The following CTNNA2 variants were observed in gnomAD, a reference collection of about 807,000 sequenced individuals.
CTNNA2 encodes the protein catenin alpha-2.
CTNNA2 carries 42 observed loss-of-function variants against 101.0 expected under a neutral mutation model. The ratio of observed to expected loss-of-function variants is 0.42; its 90% CI spans 0.32 to 0.54. CTNNA2 has a LOEUF of 0.54. CTNNA2 is among the 20% of genes least tolerant of loss of function. CTNNA2 has a pLI of 0.14. For missense variants in CTNNA2, 871 were observed against 1,223.1 expected, an observed-to-expected ratio of 0.71 and a Z score of 4.29; for synonymous variants, 450 against 456.4, an observed-to-expected ratio of 0.99 and a Z score of 0.18.
At chr2:80,056,535 T>A (rs1480501175) in intron 7 of CTNNA2, among the ~76,000 whole-genome samples, 1 of 152,180 alleles carries the variant, frequency 6.6e-6, no homozygotes, top group Non-Finnish European at 1.5e-5. Flanking sequence ...AAAGGAAAGA[T>A]AGGGATCAAG....
Position 80,648,089 on chromosome 2 carries a change from C to T in CTNNA2, c.*217C>T. The T allele has an allele frequency of 2.5e-6, 1 of 394,708 alleles. No individual in the cohort carries two copies. Among genetic ancestry groups the T allele is most frequent in the Non-Finnish European group, 4.5e-6 (1 of 221,456 alleles). The allele number at this position is 394,708 out of a possible 1,614,324, so 24.5% of individuals were successfully genotyped here. ...AGGACATTCCTGTACTAAGGTGGCA[C>T]AGAGCTGTCCTTTGCAACATTCTCA... On this transcript the variant is annotated 3_prime_UTR_variant, in exon 19 of 19. Transcript: ENST00000402739.
At chr2:79,749,407 T>G (rs1263469454) in intron 3 of CTNNA2, among the ~76,000 whole-genome samples, 3 of 152,222 alleles carry the variant, frequency 2.0e-5, no homozygotes, top group Non-Finnish European at 4.4e-5. Flanking sequence ...AACTTAGAAC[T>G]CTGATGTTTT....
At chr2:80,281,463 A>G (rs186477723) in intron 7 of CTNNA2, among the ~76,000 whole-genome samples, 112 of 152,270 alleles carry the variant, frequency 7.4e-4, no homozygotes, top group Non-Finnish European at 2.6e-4. Flanking sequence ...GTTATTTTCT[A>G]AAGAGCGTAC....
At chr2:80,162,699 T>C in intron 7 of CTNNA2, 2 of 1,612,836 alleles carry the variant, frequency 1.2e-6, no homozygotes, top group South Asian at 1.1e-5. Context: ...GCTTGAAGAC[T>C]GATTAAAACT....
chr2:80,092,029 A>C (rs1327732856), intron 7 of CTNNA2, among the ~76,000 whole-genome samples: 1 of 152,100 alleles, frequency 6.6e-6, no homozygotes, highest in Non-Finnish European at 1.5e-5. Context: ...TATCTTATTT[A>C]CTTTTGTGTC....
At chr2:79,877,697 C>T (rs1683130799) in intron 6 of CTNNA2, among the ~76,000 whole-genome samples, 1 of 152,144 alleles carries the variant, frequency 6.6e-6, no homozygotes, top group African/African-American at 2.4e-5. Context: ...CTGGCAAAAT[C>T]TCTTACTGAT....
At chr2:79,431,720 A>G (rs1004158100) in intron 4 of CTNNA2, among the ~76,000 whole-genome samples, 1 of 152,190 alleles carries the variant, frequency 6.6e-6, no homozygotes, top group Non-Finnish European at 1.5e-5. Flanking sequence ...TCTCTCACCC[A>G]TAGGCAGAAC....
At position 80,419,683 on chromosome 2, in the gene CTNNA2, A is replaced by T. The variant is rs1191927042; in HGVS notation, c.1290+82A>T. On this transcript the variant is annotated intron_variant, in intron 9 of 18. Coordinates refer to ENST00000402739, the MANE Select transcript of CTNNA2 (RefSeq NM_001282597.3). ...TGGCTCTTAGAATTTCACTAGAGAG[A>T]TATTCTATTGTATTTTTGGAGAAAT... 1.9e-5 allele frequency: 26 copies of T among 1,383,836 alleles called. No individual in the cohort carries two copies. The South Asian group carries it at 3.2e-4, about 17-fold the overall frequency. 85.7% of individuals were successfully genotyped at this position (1,383,836 alleles called of 1,614,324 possible).
At chr2:80,144,022 C>T (rs1346751938) in intron 7 of CTNNA2, among the ~76,000 whole-genome samples, 1 of 152,068 alleles carries the variant, frequency 6.6e-6, no homozygotes, top group Non-Finnish European at 1.5e-5. Flanking sequence ...AGACTAAGTC[C>T]AAAAGGCTTC....
Position 80,085,712 on chromosome 2 carries a change from A to G in CTNNA2, c.1056+175915A>G, listed in dbSNP as rs369239427. Reference sequence around the variant, plus strand: ...TTTTTCAAGTTCTCTGGCTTCCCCTATATTGATGAGTTATGTTGGAGTGAT... The same window carrying G: ...TTTTTCAAGTTCTCTGGCTTCCCCTGTATTGATGAGTTATGTTGGAGTGAT... On this transcript the variant is annotated intron_variant, in intron 7 of 18. Coordinates refer to ENST00000402739, the MANE Select transcript of CTNNA2 (RefSeq NM_001282597.3). Among the ~76,000 whole-genome samples the G allele has an allele frequency of 2.6e-5, 4 of 152,068 alleles. No individual in the cohort carries two copies. The South Asian group carries it at 8.3e-4, about 32-fold the overall frequency.
chr2:80,458,860 G>A lies in CTNNA2; in HGVS notation c.1290+39259G>A, dbSNP rs1022845535. 7.9e-5 allele frequency among the ~76,000 whole-genome samples: 12 copies of A among 152,104 alleles called. No individual in the cohort carries two copies. In the South Asian group the frequency reaches 1.0e-3, roughly 13 times the overall value. ...TACCTCCCAACAACTTTGATGTATA[G>A]TCATGGGCTACATAAGGACATTTCA... On this transcript the variant is annotated intron_variant, in intron 9 of 18. Transcript: ENST00000402739.
intron 18 of CTNNA2, among the ~76,000 whole-genome samples, chr2:80,632,429 C>G (rs1672397660): frequency 6.6e-6 from 1 of 152,074 alleles, no homozygotes; most frequent in Non-Finnish European, 1.5e-5. Flanking sequence ...GAATGGTCTA[C>G]CTTCAGTTTT....
At chr2:79,833,153 A>T (rs1266915780) in intron 3 of CTNNA2, among the ~76,000 whole-genome samples, 1 of 152,202 alleles carries the variant, frequency 6.6e-6, no homozygotes, top group Non-Finnish European at 1.5e-5. Context: ...CAATATTCCA[A>T]TTCGTTGGGG....
In CTNNA2 at chr2:79,582,206, A is replaced by G. The variant is rs528792623; in HGVS notation, c.-6+68999A>G. On this transcript the variant is annotated intron_variant, in intron 1 of 18. Coordinates refer to ENST00000402739, the MANE Select transcript of CTNNA2 (RefSeq NM_001282597.3). ...GTACTTAACTTTCTATCATTGTCATAAGAATTAAATATGTTAACATGTAAA... is the reference window on the plus strand; with the variant it reads ...GTACTTAACTTTCTATCATTGTCATGAGAATTAAATATGTTAACATGTAAA... Among the ~76,000 whole-genome samples, 716 of 152,364 alleles carry G rather than the reference A, an allele frequency of 4.7e-3. 4 individuals carry two copies. The highest frequency in any genetic ancestry group is 0.016 in the African/African-American group (682 of 41,590).
At chr2:79,838,711 A>G (rs1679571186) in intron 3 of CTNNA2, among the ~76,000 whole-genome samples, 1 of 152,108 alleles carries the variant, frequency 6.6e-6, no homozygotes, top group South Asian at 2.1e-4. Flanking sequence ...TTATATTAAA[A>G]GTGTTGATTA....
chr2:80,468,248 CA>C (rs1292745786), intron 9 of CTNNA2, among the ~76,000 whole-genome samples: 2 of 152,084 alleles, frequency 1.3e-5, no homozygotes, highest in African/African-American at 4.8e-5. Flanking sequence ...ATTTAATACC[CA>C]CACAGTGCTA....
At chr2:80,126,489 C>T (rs1284139117) in intron 7 of CTNNA2, among the ~76,000 whole-genome samples, 1 of 151,732 alleles carries the variant, frequency 6.6e-6, no homozygotes, top group Non-Finnish European at 1.5e-5. Context: ...CTGTCTTGAT[C>T]CCTCTCCCCT....
At chr2:79,865,663 G>GTAGA (rs1399605531) in intron 4 of CTNNA2, among the ~76,000 whole-genome samples, 3 of 152,202 alleles carry the variant, frequency 2.0e-5, no homozygotes, top group African/African-American at 7.2e-5. Context: ...CGACCTTATG[G>GTAGA]TAGACTCTGC....
chr2:80,418,095 C>A (rs1371976469), intron 8 of CTNNA2, among the ~76,000 whole-genome samples: 16 of 152,092 alleles, frequency 1.1e-4, no homozygotes, highest in Admixed American at 1.0e-3. Context: ...ATATCTTTTC[C>A]TCCATTGTGG....
Sources: allele counts gnomAD v4.1 joint callset (sites outside exome capture counted in the v4.1 genomes callset), GRCh38; gene constraint gnomAD v4.1.1; transcripts MANE v1.5; gene names NCBI Gene and HGNC (gene_info 2026-07-23, HGNC 2026-07-21).